Variants in SKAP2 observed in about 807,000 individuals in gnomAD.
SKAP2 encodes src kinase-associated phosphoprotein 2.
In SKAP2, 28 loss-of-function variants were observed where a neutral mutation model predicts 54.9. The observed-to-expected ratio is 0.51, with a 90% CI of 0.38 to 0.70. SKAP2 has a LOEUF of 0.70. SKAP2 is among the 30% of genes least tolerant of loss of function. SKAP2 has a pLI of 0.00. For missense variants in SKAP2, 356 were observed against 424.1 expected (o/e 0.84, Z 1.41); for synonymous variants, 137 against 134.3 (o/e 1.02, Z -0.14).
the SKAP2 span, among the ~76,000 whole-genome samples, chr7:26,658,876 C>G: frequency 2.0e-5 from 3 of 148,646 alleles, no homozygotes; most frequent in African/African-American, 7.4e-5. Flanking sequence ...GCACCACGTG[C>G]TGAAGCCACA....
chr7:26,806,622 A>T (rs1014225453), intron 4 of SKAP2, among the ~76,000 whole-genome samples: 17 of 152,212 alleles, frequency 1.1e-4, no homozygotes, highest in Non-Finnish European at 4.4e-5. Context: ...CAAGTTGTGA[A>T]TGCAAAGGTA....
At chr7:26,695,529 C>T (rs1786875982) in intron 9 of SKAP2, among the ~76,000 whole-genome samples, 1 of 152,166 alleles carries the variant, frequency 6.6e-6, no homozygotes, top group African/African-American at 2.4e-5. Context: ...AGGCATATGC[C>T]TTAACTCTAA....
At chr7:26,834,981 A>G (rs1473791435) in intron 4 of SKAP2, among the ~76,000 whole-genome samples, 2 of 152,224 alleles carry the variant, frequency 1.3e-5, no homozygotes, top group Non-Finnish European at 2.9e-5. Context: ...GCAGCACATC[A>G]AAAAGCTTAT....
At position 26,726,945 on chromosome 7, in the gene SKAP2, T is replaced by G; in HGVS notation, c.531A>C (p.Leu177=). 1 of 1,610,474 alleles carries G rather than the reference T, an allele frequency of 6.2e-7. No individual in the cohort carries two copies. The highest frequency in any genetic ancestry group is 8.5e-7 in the Non-Finnish European group (1 of 1,177,732). The change falls in exon 7 of 13, where the codon CTA becomes CTC. Residue 177 remains leucine (L), a synonymous_variant. Transcript: ENST00000345317. The part of the protein sequence containing the change: ...DGYSVRMNNT[L]RKDGKKDCCF... Reference sequence around the variant, plus strand: ...AGCAATCTTTCTTTCCATCCTTTCTTAGAGTGTTATTCATTCTGACACTGT... The same window carrying G: ...AGCAATCTTTCTTTCCATCCTTTCTGAGAGTGTTATTCATTCTGACACTGT...
intron 2 of SKAP2, among the ~76,000 whole-genome samples, 160 bp downstream of exon 2, chr7:26,854,625 T>C (rs917289287): frequency 7.2e-5 from 11 of 152,060 alleles, no homozygotes; most frequent in African/African-American, 2.7e-4. Flanking sequence ...GTTTAAAAAC[T>C]ATATAGTGGA....
At position 26,796,562 on chromosome 7, in the gene SKAP2, T is replaced by A. The variant is rs181117532; in HGVS notation, c.307+47468A>T. Among the ~76,000 whole-genome samples the A allele has an allele frequency of 2.6e-4, 40 of 152,322 alleles. No individual in the cohort carries two copies. The East Asian group carries it at 7.7e-3, about 29-fold the overall frequency. ...CATGACATTACAAGGAAAAGTTGGG[T>A]TGCTTGATATGTACCATAGATTGAG... On this transcript the variant is annotated intron_variant, in intron 4 of 12. Coordinates refer to ENST00000345317, the MANE Select transcript of SKAP2 (RefSeq NM_003930.5).
intron 4 of SKAP2, among the ~76,000 whole-genome samples, chr7:26,810,496 G>GTA (rs1170727288): frequency 1.3e-5 from 2 of 152,070 alleles, no homozygotes; most frequent in Non-Finnish European, 2.9e-5. Context: ...GAAATCTATT[G>GTA]TACATCACGG....
downstream of SKAP2, among the ~76,000 whole-genome samples, chr7:26,663,495 T>A (rs1767504335): frequency 6.6e-6 from 1 of 152,112 alleles, no homozygotes; most frequent in Admixed American, 6.6e-5. Context: ...TATCAGATAT[T>A]CCAATAAAAA....
At chr7:26,750,998 AT>A (rs1159935340) in intron 4 of SKAP2, among the ~76,000 whole-genome samples, 1 of 152,064 alleles carries the variant, frequency 6.6e-6, no homozygotes, top group African/African-American at 2.4e-5. Context: ...TATAAGTAAC[AT>A]TTTTATAATT....
intron 4 of SKAP2, among the ~76,000 whole-genome samples, chr7:26,769,728 G>A (rs753546421): frequency 5.3e-5 from 8 of 152,116 alleles, no homozygotes; most frequent in East Asian, 1.9e-4. Flanking sequence ...CAGGTCTGCC[G>A]GAGTTTGCTG....
intron 9 of SKAP2, among the ~76,000 whole-genome samples, chr7:26,703,936 C>T (rs1787103350): frequency 6.6e-6 from 1 of 152,224 alleles, no homozygotes; most frequent in Admixed American, 6.5e-5. Flanking sequence ...TGAAGCACTA[C>T]AGTTTTTCTT....
chr7:26,810,156 C>A (rs534213569), intron 4 of SKAP2, among the ~76,000 whole-genome samples: 6 of 151,960 alleles, frequency 3.9e-5, no homozygotes, highest in African/African-American at 1.5e-4. Context: ...GCCAACCTGG[C>A]AAGTCTCCAT....
chr7:26,763,760 T>G (rs1782983941), intron 4 of SKAP2, among the ~76,000 whole-genome samples: 1 of 152,106 alleles, frequency 6.6e-6, no homozygotes, highest in Non-Finnish European at 1.5e-5. Context: ...TACACAAACT[T>G]AGATGGTACA....
rs537775604 is a variant in SKAP2, at chr7:26,723,403, A to T, written c.796+2025T>A. ...CCGGGGCACAGGTGCAGGCTCCATC[A>T]AGCTCGATCACTTTGCAGAGCAACT... On this transcript the variant is annotated intron_variant, in intron 9 of 12. Coordinates refer to ENST00000345317, the MANE Select transcript of SKAP2 (RefSeq NM_003930.5). Among the ~76,000 whole-genome samples, 4 of 152,194 alleles carry T rather than the reference A, an allele frequency of 2.6e-5. No homozygotes were observed. In the East Asian group the frequency reaches 7.7e-4, roughly 29 times the overall value.
chr7:26,663,323 A>G (rs909924520), downstream of SKAP2, among the ~76,000 whole-genome samples: 1 of 151,978 alleles, frequency 6.6e-6, no homozygotes, highest in African/African-American at 2.4e-5. Context: ...GTCCTTACTT[A>G]TCTCTTAATC....
At chr7:26,788,056 C>G (rs1182544727) in intron 4 of SKAP2, among the ~76,000 whole-genome samples, 2 of 152,078 alleles carry the variant, frequency 1.3e-5, no homozygotes, top group African/African-American at 4.8e-5. Context: ...TTTTCAAACT[C>G]CCACAACCCA....
chr7:26,700,289 A>C (rs566534106), intron 9 of SKAP2, among the ~76,000 whole-genome samples: 37 of 152,330 alleles, frequency 2.4e-4, no homozygotes, highest in African/African-American at 8.7e-4. Context: ...CAATTCCTGG[A>C]ACTCATACTG....
chr7:26,820,727 T>TATTGACTC (rs147487393), intron 4 of SKAP2, among the ~76,000 whole-genome samples: 32,222 of 152,024 alleles, frequency 0.21, 3,463 homozygotes, highest in Non-Finnish European at 0.24. Flanking sequence ...AATAATCAGT[T>TATTGACTC]ATCTTTTAGC....
chr7:26,765,982 A>G (rs1783042870), intron 4 of SKAP2, among the ~76,000 whole-genome samples: 1 of 152,122 alleles, frequency 6.6e-6, no homozygotes, highest in Non-Finnish European at 1.5e-5. Flanking sequence ...TGAAATTTAC[A>G]GTAGTTTTTT....
Sources: gnomAD v4.1 joint callset for allele counts (sites outside exome capture counted in the v4.1 genomes callset) on GRCh38, gnomAD v4.1.1 for gene constraint, MANE v1.5 for transcripts, NCBI Gene and HGNC (gene_info 2026-07-23, HGNC 2026-07-21) for gene names.